Variants in BTBD2 observed in about 807,000 individuals in gnomAD.
BTBD2 encodes the protein BTB/POZ domain-containing protein 2.
Under a neutral mutation model 44.0 loss-of-function variants are expected in BTBD2, and 15 were observed. The observed-to-expected ratio is 0.34, with a 90% CI of 0.23 to 0.53. The LOEUF (loss-of-function observed/expected upper bound fraction) is 0.53. Among genes scored for constraint, BTBD2 ranks in the 20% least tolerant of loss-of-function variants. The pLI, the probability that BTBD2 is intolerant of heterozygous loss-of-function variation, is 0.95. For missense variants in BTBD2, 657 were observed against 746.4 expected (o/e 0.88, Z 1.39); for synonymous variants, 443 against 335.9 (o/e 1.32, Z -3.49).
intron 6 of BTBD2, 118 bp from the exon 7 acceptor site, chr19:1,987,371 G>T: frequency 7.4e-7 from 1 of 1,358,416 alleles, no homozygotes; most frequent in Non-Finnish European, 9.7e-7. Flanking sequence ...CCACCCCCAT[G>T]CCCGGCGGCC....
rs1419976629 is a variant in BTBD2, at chr19:2,015,509, G to C, written c.195C>G (p.Pro65=). Residue 65 remains proline, a synonymous_variant, in exon 1 of 9, where the codon CCC becomes CCG. Coordinates refer to ENST00000255608, the MANE Select transcript of BTBD2 (RefSeq NM_017797.4). ...CGCCCGCGGCCTGCGCGTCTGTCCCGGGGCCCGGCGGGGCGGGCGGCGTCG... is the reference window on the plus strand; with the variant it reads ...CGCCCGCGGCCTGCGCGTCTGTCCCCGGGCCCGGCGGGGCGGGCGGCGTCG... ...PGPTPPAPPG[P]GTDAQAAGAE... The C allele has an allele frequency of 1.0e-6, 1 of 986,096 alleles. No individual in the cohort carries two copies. Among genetic ancestry groups the C allele is most frequent in the Non-Finnish European group, 1.2e-6 (1 of 833,500 alleles). The allele number at this position is 986,096 out of a possible 1,614,324, so 61.1% of individuals were successfully genotyped here. A position where few individuals can be genotyped will look rare whatever the true frequency, so the allele number is the denominator to read the frequency against.
intron 2 of BTBD2, among the ~76,000 whole-genome samples, chr19:1,993,629 T>A (rs1047387367): frequency 6.6e-6 from 1 of 151,976 alleles, no homozygotes; most frequent in Non-Finnish European, 1.5e-5. Flanking sequence ...TGGATAATCA[T>A]GGACGCTATT....
At chr19:2,013,811 C>T in intron 1 of BTBD2, 1 of 358,186 alleles carries the variant, frequency 2.8e-6, no homozygotes, top group Non-Finnish European at 3.9e-6. Context: ...CTGGAGGCAG[C>T]AGGGAGGACG....
chr19:1,999,490 A>AC (rs1446881877), intron 1 of BTBD2, among the ~76,000 whole-genome samples: 1 of 152,122 alleles, frequency 6.6e-6, no homozygotes, highest in East Asian at 1.9e-4. Context: ...ACATAGTGAG[A>AC]CCCCATCTCT....
At chr19:2,014,878 G>A (rs1026949891) in intron 1 of BTBD2, among the ~76,000 whole-genome samples, 3 of 151,366 alleles carry the variant, frequency 2.0e-5, no homozygotes, top group African/African-American at 4.9e-5. Context: ...AGGATCCAGG[G>A]GGGCCTGGGG....
chr19:2,012,807 C>T (rs945056212), intron 1 of BTBD2, among the ~76,000 whole-genome samples: 1 of 152,180 alleles, frequency 6.6e-6, no homozygotes, highest in African/African-American at 2.4e-5. Context: ...GCCAGCGGTC[C>T]CTCAAGTGCA....
rs1243681092 is a variant in BTBD2, at chr19:2,015,444, GCCGCCGCCCCCGGGC to G, written c.245_259del (p.Gly82_Ala86del). 22 of 1,435,576 alleles carry G rather than the reference GCCGCCGCCCCCGGGC, an allele frequency of 1.5e-5. No homozygotes were observed. The highest frequency in any genetic ancestry group is 2.5e-5 in the Admixed American group (1 of 39,282). 88.9% of individuals were successfully genotyped at this position (1,435,576 alleles called of 1,614,324 possible). A position where few individuals can be genotyped will look rare whatever the true frequency, so the allele number is the denominator to read the frequency against. ...GTTGTACGCGGCCTCGCGCTGCAGC[GCCGCCGCCCCCGGGC>G]CCGCCGCCTCCTCCGCCCGCTCCGC... On this transcript the variant is annotated inframe_deletion, in exon 1 of 9. Transcript: ENST00000255608.
chr19:1,992,958 C>T, intron 3 of BTBD2, 62 bp downstream of exon 3: 1 of 856,838 alleles, frequency 1.2e-6, no homozygotes, highest in Non-Finnish European at 1.6e-6. Context: ...CGGTCCGCCC[C>T]ACCCCGGCCC....
At chr19:2,000,192 A>AC (rs748919629) in intron 1 of BTBD2, among the ~76,000 whole-genome samples, 6 of 150,250 alleles carry the variant, frequency 4.0e-5, no homozygotes, top group East Asian at 2.0e-4. Flanking sequence ...ACTGAGTTTG[A>AC]CCCCCCCAGT....
chr19:2,015,234 T>G, intron 1 of BTBD2, 63 bp downstream of exon 1: 1 of 1,435,104 alleles, frequency 7.0e-7, no homozygotes, highest in Non-Finnish European at 9.1e-7. Flanking sequence ...GGGCCTCAGG[T>G]GCAGGGCCCG....
rs903768782 is a variant in BTBD2, at chr19:1,986,422, C to A, written c.*66G>T. The A allele has an allele frequency of 1.8e-5, 29 of 1,588,748 alleles. 2 individuals are homozygous for A. The Admixed American group carries it at 4.6e-4, about 25-fold the overall frequency. ...GCACCGCGTGGTGGGGGGGCCCCAGCAGCAGATGATGGCCTGGGGCTGCGG... is the reference window on the plus strand; with the variant it reads ...GCACCGCGTGGTGGGGGGGCCCCAGAAGCAGATGATGGCCTGGGGCTGCGG... On this transcript the variant is annotated 3_prime_UTR_variant, in exon 9 of 9. Transcript: ENST00000255608.
Position 1,986,870 on chromosome 19 carries a change from A to G in BTBD2, c.1376T>C (p.Val459Ala). ...GGCCGTGTAGTTGACGTTGGGCAGC[A>G]CCTCCACCGGCTCCTTGAACATGAC... ...FRVMFKEPVE[V>A]LPNVNYTACA... The change falls in exon 8 of 9, where the codon GTG becomes GCG. Residue 459 changes from valine (V) to alanine (A), a missense_variant. Physicochemically the swap from Val to Ala is moderately conservative, Grantham distance 64. Transcript: ENST00000255608. 6.2e-7 allele frequency: 1 copy of G among 1,612,382 alleles called. No homozygotes were observed. Among genetic ancestry groups the G allele is most frequent in the Non-Finnish European group, 8.5e-7 (1 of 1,179,616 alleles).
chr19:1,992,270 AT>A (rs1030202971), intron 3 of BTBD2, among the ~76,000 whole-genome samples: 3 of 150,802 alleles, frequency 2.0e-5, no homozygotes, highest in African/African-American at 2.4e-5. Context: ...TTTATGAAAT[AT>A]TTTTTTTTAG....
chr19:1,986,336 C>G lies in BTBD2; in HGVS notation c.*152G>C. On this transcript the variant is annotated 3_prime_UTR_variant, in exon 9 of 9. Transcript: ENST00000255608. ...ACTCGTGGTGAACACAGGGCAACCC[C>G]GTCCTGATGCTGAGAAAGGTGGCAT... is the stretch of plus-strand genomic sequence containing the variant. The G allele has an allele frequency of 4.0e-6, 4 of 1,003,166 alleles. No homozygotes were observed. The highest frequency in any genetic ancestry group is 4.4e-6 in the Non-Finnish European group (3 of 676,106). The allele number at this position is 1,003,166 out of a possible 1,614,324, so 62.1% of individuals were successfully genotyped here. A position where few individuals can be genotyped will look rare whatever the true frequency, so the allele number is the denominator to read the frequency against.
intron 2 of BTBD2, among the ~76,000 whole-genome samples, chr19:1,996,165 G>A (rs192335754): frequency 3.3e-5 from 5 of 152,244 alleles, no homozygotes; most frequent in East Asian, 1.9e-4. Flanking sequence ...TGGTCCCCAC[G>A]TTCTGTCCTT....
Position 1,986,493 on chromosome 19 carries a change from T to G in BTBD2, c.1573A>C (p.Thr525Pro). Residue 525 changes from threonine to proline, a missense_variant, in exon 9 of 9, where the codon ACC becomes CCC. Physicochemically the swap from Thr to Pro is conservative, Grantham distance 38. Coordinates refer to ENST00000255608, the MANE Select transcript of BTBD2 (RefSeq NM_017797.4). Reference protein sequence around the residue: ...DGQIPEVIFYT With the variant: ...DGQIPEVIFYP ...CGGTGTCGGTGTCGGGCAGCCTAGG[T>G]GTAGAAGATGACCTCGGGGATCTGG... 1.2e-6 allele frequency: 2 copies of G among 1,613,600 alleles called. No individual in the cohort carries two copies. Among genetic ancestry groups the G allele is most frequent in the Non-Finnish European group, 8.5e-7 (1 of 1,179,796 alleles).
In BTBD2 at chr19:1,998,613, A is replaced by G. The variant is rs569197958; in HGVS notation, c.408-1150T>C. ...GAGAAAGGCTGCTGGTGCCTCCCCAAGAGCCGGCTATGAACCCGCGTTTGG... is the reference window on the plus strand; with the variant it reads ...GAGAAAGGCTGCTGGTGCCTCCCCAGGAGCCGGCTATGAACCCGCGTTTGG... On this transcript the variant is annotated intron_variant, in intron 1 of 8. Transcript: ENST00000255608. Among the ~76,000 whole-genome samples, 8 of 152,262 alleles carry G rather than the reference A, an allele frequency of 5.3e-5. No homozygotes were observed. The South Asian group carries it at 1.5e-3, about 28-fold the overall frequency.
intron 1 of BTBD2, among the ~76,000 whole-genome samples, chr19:2,001,337 A>C (rs1199948041): frequency 1.3e-5 from 2 of 152,002 alleles, no homozygotes; most frequent in Non-Finnish European, 2.9e-5. Context: ...TCTACTAAAA[A>C]TACAAAATAT....
At chr19:1,996,254 G>A (rs1293314942) in intron 2 of BTBD2, among the ~76,000 whole-genome samples, 1 of 152,062 alleles carries the variant, frequency 6.6e-6, no homozygotes, top group African/African-American at 2.4e-5. Flanking sequence ...CTCCAACTTT[G>A]TTCTTTTTCA....
Sources: allele counts gnomAD v4.1 joint callset (sites outside exome capture counted in the v4.1 genomes callset), GRCh38; gene constraint gnomAD v4.1.1; transcripts MANE v1.5; gene names NCBI Gene and HGNC (gene_info 2026-07-23, HGNC 2026-07-21).